NCKAP1: variants seen among roughly 807,000 people sequenced by gnomAD.
The protein encoded by NCKAP1 is NCK associated protein 1.
Under a neutral mutation model 151.2 loss-of-function variants are expected in NCKAP1, and 21 were observed. That is an observed-to-expected ratio of 0.14 (90% confidence interval 0.10 to 0.20). The LOEUF (loss-of-function observed/expected upper bound fraction) is 0.20. NCKAP1 is among the 10% of genes least tolerant of loss of function. NCKAP1 has a pLI of 1.00. For missense variants in NCKAP1, 933 were observed against 1,352.1 expected (o/e 0.69, Z 4.86); for synonymous variants, 484 against 451.8 (o/e 1.07, Z -0.90).
At chr2:182,956,784 G>T in intron 19 of NCKAP1, 191 bp from the exon 20 acceptor site, 1 of 517,928 alleles carries the variant, frequency 1.9e-6, no homozygotes, top group Non-Finnish European at 3.2e-6. Context: ...TAAAGATGGC[G>T]TCATTTGTTT....
At position 183,006,683 on chromosome 2, in the gene NCKAP1, A is replaced by G. The variant is rs568121530; in HGVS notation, c.220-3358T>C. On this transcript the variant is annotated intron_variant, in intron 2 of 30. Coordinates refer to ENST00000361354, the MANE Select transcript of NCKAP1 (RefSeq NM_013436.5). ...TACATTTTAGTTCCTAAAGTGAGGG[A>G]GAGTAGATACTACCAAAAATTATTA... Among the ~76,000 whole-genome samples, 87 of 152,324 alleles carry G rather than the reference A, an allele frequency of 5.7e-4. 1 individual carries two copies. The South Asian group carries it at 0.018, about 31-fold the overall frequency.
chr2:183,036,862 A>G (rs1699112210), intron 1 of NCKAP1, among the ~76,000 whole-genome samples: 1 of 152,122 alleles, frequency 6.6e-6, no homozygotes, highest in African/African-American at 2.4e-5. Context: ...TCAACCTACA[A>G]TCTATTGCTA....
chr2:183,020,536 T>C (rs1698779025), intron 2 of NCKAP1, among the ~76,000 whole-genome samples: 1 of 150,872 alleles, frequency 6.6e-6, no homozygotes, highest in South Asian at 2.1e-4. Context: ...TTTTTATGAG[T>C]ACCTTTTCTG....
At position 182,915,117 on chromosome 2, in the gene NCKAP1, C is replaced by T. The variant is rs1257153678; in HGVS notation, c.*10585G>A. On this transcript the variant is annotated 3_prime_UTR_variant, in exon 31 of 31. Transcript: ENST00000361354. The stretch of plus-strand genomic sequence containing the variant: ...ATGCTGAGGACTCATCTTCTGTACA[C>T]ACTTTTAAGAACTTCTACTTCCAAA... The T allele has an allele frequency of 6.6e-6, 1 of 152,178 alleles. No homozygotes were observed. The highest frequency in any genetic ancestry group is 1.5e-5 in the Non-Finnish European group (1 of 68,036). 9.4% of individuals were successfully genotyped at this position (152,178 alleles called of 1,614,324 possible). A position where few individuals can be genotyped will look rare whatever the true frequency, so the allele number is the denominator to read the frequency against.
chr2:183,008,382 AT>A (rs1698522398), intron 2 of NCKAP1, among the ~76,000 whole-genome samples: 1 of 152,220 alleles, frequency 6.6e-6, no homozygotes, highest in South Asian at 2.1e-4. Context: ...TACAAAAATC[AT>A]TTTTTAATTC....
rs542687805 is a variant in NCKAP1, at chr2:182,923,608, T to C, written c.*2094A>G. The C allele has an allele frequency of 1.3e-5, 2 of 152,226 alleles. No homozygotes were observed. The highest frequency in any genetic ancestry group is 3.9e-4 in the East Asian group (2 of 5,184). 9.4% of individuals were successfully genotyped at this position (152,226 alleles called of 1,614,324 possible). On this transcript the variant is annotated 3_prime_UTR_variant, in exon 31 of 31. Transcript: ENST00000361354. ...ATTAGTTATGGTATCTATAAAGGTA[T>C]TAAAAAGAATATTAAAGACATTTTT...
chr2:182,953,714 C>T (rs1394227942), intron 20 of NCKAP1, among the ~76,000 whole-genome samples: 1 of 152,032 alleles, frequency 6.6e-6, no homozygotes, highest in Non-Finnish European at 1.5e-5. Flanking sequence ...AGGAGAATCG[C>T]TTGAACCCAG....
chr2:183,024,947 G>A (rs560702795), intron 1 of NCKAP1: 61 of 1,610,906 alleles, frequency 3.8e-5, no homozygotes, highest in Admixed American at 3.7e-4. Context: ...GCGGGCAAGC[G>A]GGCAGAGGGA....
chr2:182,933,981 A>T lies in NCKAP1; in HGVS notation c.2859+771T>A, dbSNP rs531794146. Among the ~76,000 whole-genome samples the T allele has an allele frequency of 7.9e-5, 12 of 152,292 alleles. No individual in the cohort carries two copies. The East Asian group carries it at 2.3e-3, about 29-fold the overall frequency. On this transcript the variant is annotated intron_variant, in intron 26 of 30. Coordinates refer to ENST00000361354, the MANE Select transcript of NCKAP1 (RefSeq NM_013436.5). ...AACTGTAAGCTCACAGAAGTCTGCC[A>T]ACCTGCTGTTTTATATATATATTAC...
chr2:183,014,348 C>G (rs1481215222), intron 2 of NCKAP1, among the ~76,000 whole-genome samples: 1 of 151,928 alleles, frequency 6.6e-6, no homozygotes, highest in Non-Finnish European at 1.5e-5. Context: ...ACAAGCTAGC[C>G]TAGTGAAAGA....
At chr2:182,999,908 A>T (rs1698345470) in intron 6 of NCKAP1, among the ~76,000 whole-genome samples, 1 of 152,196 alleles carries the variant, frequency 6.6e-6, no homozygotes, top group African/African-American at 2.4e-5. Flanking sequence ...ACAAACGGAA[A>T]ACCAAATACT....
chr2:182,940,903 T>A (rs1246225908), intron 24 of NCKAP1, among the ~76,000 whole-genome samples: 2 of 152,252 alleles, frequency 1.3e-5, no homozygotes, highest in Non-Finnish European at 2.9e-5. Context: ...ACCACAGATC[T>A]GTCCTATAAG....
chr2:182,954,541 G>C (rs1333593123), intron 20 of NCKAP1, among the ~76,000 whole-genome samples: 1 of 152,184 alleles, frequency 6.6e-6, no homozygotes, highest in Non-Finnish European at 1.5e-5. Flanking sequence ...TCCTAAGACT[G>C]TGCTCAGTTG....
intron 8 of NCKAP1, among the ~76,000 whole-genome samples, chr2:182,990,993 T>C (rs1468397648): frequency 1.3e-5 from 2 of 152,154 alleles, no homozygotes; most frequent in Non-Finnish European, 2.9e-5. Context: ...GTATGAAAGA[T>C]TAAAGAGCCC....
chr2:182,967,144 C>T (rs556700016), intron 16 of NCKAP1, 72 bp downstream of exon 16: 2 of 1,425,120 alleles, frequency 1.4e-6, no homozygotes, highest in Middle Eastern at 4.0e-4. Context: ...TATGCTAACA[C>T]AAAAATAATC....
In NCKAP1 at chr2:182,981,172, A is replaced by G. The variant is rs556762824; in HGVS notation, c.1341+72T>C. 37 of 1,524,842 alleles carry G rather than the reference A, an allele frequency of 2.4e-5. No homozygotes were observed. The Middle Eastern group carries it at 5.2e-4, about 21-fold the overall frequency. The allele number at this position is 1,524,842 out of a possible 1,614,324, so 94.5% of individuals were successfully genotyped here. ...CATGATATTTCATAAATGCTTGTTG[A>G]ACAAACAAATAAAATACTATCAAAG... On this transcript the variant is annotated intron_variant, in intron 13 of 30. Transcript: ENST00000361354.
At chr2:183,001,898 T>A in intron 6 of NCKAP1, 55 bp downstream of exon 6, 6 of 1,446,264 alleles carry the variant, frequency 4.1e-6, no homozygotes, top group Non-Finnish European at 5.8e-6. Flanking sequence ...CAACCATCCA[T>A]CCTCATGCTA....
At chr2:182,927,000 C>T in intron 29 of NCKAP1, 95 bp from the exon 30 acceptor site, 3 of 766,594 alleles carry the variant, frequency 3.9e-6, no homozygotes, top group Non-Finnish European at 4.3e-6. Context: ...ACATTTCAAT[C>T]ATTCAGTGCT....
rs562317545 is a variant in NCKAP1, at chr2:182,959,221, T to C, written c.1882-1625A>G. Among the ~76,000 whole-genome samples, 8 of 152,274 alleles carry C rather than the reference T, an allele frequency of 5.3e-5. No individual in the cohort carries two copies. In the South Asian group the frequency reaches 1.7e-3, roughly 32 times the overall value. On this transcript the variant is annotated intron_variant, in intron 18 of 30. Coordinates refer to ENST00000361354, the MANE Select transcript of NCKAP1 (RefSeq NM_013436.5). ...TGCATTTCTATTGTGACAAAGGAGT[T>C]CCTTCCTAAAATGAAAATTTCTACG...
Sources: gnomAD v4.1 joint callset for allele counts (sites outside exome capture counted in the v4.1 genomes callset) on GRCh38, gnomAD v4.1.1 for gene constraint, MANE v1.5 for transcripts, NCBI Gene and HGNC (gene_info 2026-07-23, HGNC 2026-07-21) for gene names.